Variants in INVS observed in about 807,000 individuals in gnomAD.
INVS encodes the protein inversion of embryo turning homolog.
INVS carries 86 observed loss-of-function variants against 108.8 expected under a neutral mutation model. The observed-to-expected ratio is 0.79, with a 90% CI of 0.66 to 0.95. INVS has a LOEUF of 0.95. Ranked by LOEUF, INVS falls within the 40% of genes least tolerant of loss-of-function variation. The pLI, the probability that INVS is intolerant of heterozygous loss-of-function variation, is 0.00. For synonymous variants in INVS, 455 were observed against 473.5 expected, an observed-to-expected ratio of 0.96 and a Z score of 0.51; for missense variants, 1,169 against 1,297.4, an observed-to-expected ratio of 0.90 and a Z score of 1.52.
intron 3 of INVS, among the ~76,000 whole-genome samples, chr9:100,181,440 T>C (rs934010916): frequency 1.3e-5 from 2 of 152,166 alleles, no homozygotes; most frequent in Non-Finnish European, 2.9e-5. Flanking sequence ...ACAAAATCAA[T>C]GTGCAAAACT....
rs770737798 is a variant in INVS, at chr9:100,226,163, G to A, written c.375G>A (p.Arg125=). Residue 125 remains arginine, a synonymous_variant, in exon 4 of 17, where the codon AGG becomes AGA. Transcript: ENST00000262457. The part of the protein sequence containing the change: ...MTPLHLTTRH[R]SPKCLALLLK... The stretch of plus-strand genomic sequence containing the variant: ...CTTTGCACTTGACCACCCGGCACAG[G>A]AGCCCTAAGTGTTTGGCACTTCTGC... The A allele has an allele frequency of 6.2e-7, 1 of 1,614,056 alleles. No individual in the cohort carries two copies. The highest frequency in any genetic ancestry group is 1.7e-5 in the Admixed American group (1 of 60,002).
intron 3 of INVS, among the ~76,000 whole-genome samples, chr9:100,133,263 T>C (rs986515694): frequency 6.6e-6 from 1 of 152,190 alleles, no homozygotes; most frequent in Non-Finnish European, 1.5e-5. Context: ...TCCAAAACCC[T>C]TCTTTCCCTG....
intron 10 of INVS, among the ~76,000 whole-genome samples, chr9:100,254,624 T>C (rs1832353680): frequency 6.6e-6 from 1 of 152,214 alleles, no homozygotes; most frequent in Admixed American, 6.5e-5. Context: ...CAGTTTCAGC[T>C]TTCTACATGT....
At chr9:100,240,294 T>C in intron 6 of INVS, 54 bp downstream of exon 6, 1 of 1,346,774 alleles carries the variant, frequency 7.4e-7, no homozygotes, top group Non-Finnish European at 1.1e-6. Context: ...ATAGGAATAT[T>C]TCTGTGCCTT....
intron 2 of INVS, among the ~76,000 whole-genome samples, chr9:100,121,060 A>G (rs1032066701): frequency 2.0e-5 from 3 of 152,140 alleles, no homozygotes; most frequent in Non-Finnish European, 4.4e-5. Context: ...CAAGTTGACT[A>G]CAGTTTTTTT....
intron 11 of INVS, among the ~76,000 whole-genome samples, chr9:100,269,036 C>A (rs1407323814): frequency 6.6e-6 from 1 of 152,146 alleles, no homozygotes; most frequent in Non-Finnish European, 1.5e-5. Context: ...ATCAAACTTA[C>A]CAAATACGTA....
intron 3 of INVS, among the ~76,000 whole-genome samples, chr9:100,164,112 GTTTAT>G (rs1262840954): frequency 1.3e-5 from 2 of 152,040 alleles, no homozygotes; most frequent in African/African-American, 2.4e-5. Flanking sequence ...TTTCTAATTT[GTTTAT>G]TTTAATTGAC....
Position 100,184,207 on chromosome 9 carries a change from A to G in INVS, c.274-41855A>G, listed in dbSNP as rs78626192. ...TTTCACTTCCCAAGATTCTAATTCA[A>G]TTGGTCTGAGGTAGAAACCAGACAG... is the stretch of plus-strand genomic sequence containing the variant. On this transcript the variant is annotated intron_variant, in intron 3 of 16. Coordinates refer to ENST00000262457, the MANE Select transcript of INVS (RefSeq NM_014425.5). Among the ~76,000 whole-genome samples the G allele has an allele frequency of 3.2e-4, 49 of 152,348 alleles. No homozygotes were observed. The East Asian group carries it at 8.3e-3, about 26-fold the overall frequency.
chr9:100,178,929 C>A (rs146025796), intron 3 of INVS, among the ~76,000 whole-genome samples: 1 of 152,188 alleles, frequency 6.6e-6, no homozygotes, highest in Non-Finnish European at 1.5e-5. Flanking sequence ...ATCAGACTAA[C>A]GGTGGATCTC....
chr9:100,175,670 C>G (rs1829689059), intron 3 of INVS: 2 of 642,424 alleles, frequency 3.1e-6, no homozygotes, highest in Admixed American at 2.0e-5. Context: ...ACCCCAGCCT[C>G]TATTCTTCCT....
chr9:100,199,647 G>C (rs573548362), intron 3 of INVS, among the ~76,000 whole-genome samples: 5 of 152,064 alleles, frequency 3.3e-5, no homozygotes, highest in Non-Finnish European at 7.4e-5. Flanking sequence ...ATTGTTTTCT[G>C]GTAGCCATCG....
At chr9:100,238,487 G>C (rs55861512) in intron 5 of INVS, among the ~76,000 whole-genome samples, 1 of 152,104 alleles carries the variant, frequency 6.6e-6, no homozygotes, top group Non-Finnish European at 1.5e-5. Context: ...TTGCATCTCA[G>C]TTCTGCCAAA....
chr9:100,225,958 A>T (rs1264197772), intron 3 of INVS, 104 bp from the exon 4 acceptor site: 2 of 749,800 alleles, frequency 2.7e-6, no homozygotes, highest in East Asian at 2.7e-5. Context: ...TCTGGATGTT[A>T]TTACTCTAGG....
At chr9:100,116,671 TA>T in intron 2 of INVS, 1 of 415,982 alleles carries the variant, frequency 2.4e-6, no homozygotes, top group Non-Finnish European at 4.0e-6. Flanking sequence ...CAATTGCTTC[TA>T]AAAGTTTTAT....
chr9:100,145,177 G>T (rs973991642), intron 3 of INVS, among the ~76,000 whole-genome samples: 5 of 151,818 alleles, frequency 3.3e-5, no homozygotes, highest in African/African-American at 1.2e-4. Flanking sequence ...AGGGTGGAAG[G>T]TTGCCCATAG....
In INVS at chr9:100,253,016, T is replaced by C. The variant is rs777286000; in HGVS notation, c.1344T>C (p.Asn448=). The change falls in exon 10 of 17, where the codon AAT becomes AAC. Residue 448 remains asparagine, a synonymous_variant. Coordinates refer to ENST00000262457, the MANE Select transcript of INVS (RefSeq NM_014425.5). ...AGATATTAATAGAAAATAAGATCAA[T>C]CCAAATGTCCAGGATTATGCAGGAA... ...VCQILIENKI[N]PNVQDYAGRT... is the part of the protein sequence containing the mutation. The C allele has an allele frequency of 6.2e-7, 1 of 1,613,970 alleles. No individual in the cohort carries two copies. The highest frequency in any genetic ancestry group is 1.7e-5 in the Admixed American group (1 of 60,000).
At chr9:100,297,804 T>C (rs1293410129) in intron 15 of INVS, 132 bp from the exon 16 acceptor site, 1 of 888,208 alleles carries the variant, frequency 1.1e-6, no homozygotes, top group African/African-American at 1.6e-5. Flanking sequence ...CCTACATGTT[T>C]CCACACCATA....
chr9:100,170,072 C>A (rs1030445451), intron 3 of INVS, among the ~76,000 whole-genome samples: 2 of 152,294 alleles, frequency 1.3e-5, no homozygotes, highest in Admixed American at 1.3e-4. Flanking sequence ...CTCAATACTA[C>A]TGACTAAGAA....
intron 3 of INVS, among the ~76,000 whole-genome samples, chr9:100,154,150 G>A (rs1346223379): frequency 6.6e-6 from 1 of 151,774 alleles, no homozygotes; most frequent in Non-Finnish European, 1.5e-5. Context: ...AAGCTTGAAA[G>A]CAAATGCACT....
Sources: gnomAD v4.1 joint callset for allele counts (sites outside exome capture counted in the v4.1 genomes callset) on GRCh38, gnomAD v4.1.1 for gene constraint, MANE v1.5 for transcripts, NCBI Gene and HGNC (gene_info 2026-07-23, HGNC 2026-07-21) for gene names.